The following IRAG1 variants were observed in gnomAD, a reference collection of about 807,000 sequenced individuals.
IRAG1 encodes IP3R-associated cGMP kinase substrate.
IRAG1 carries 62 observed loss-of-function variants against 106.2 expected under a neutral mutation model. The ratio of observed to expected loss-of-function variants is 0.58; its 90% CI spans 0.48 to 0.72. The LOEUF (loss-of-function observed/expected upper bound fraction) is 0.72, where lower values mean the gene tolerates loss of function less well. Among genes scored for constraint, IRAG1 ranks in the 30% least tolerant of loss-of-function variants. The probability of loss-of-function intolerance (pLI) is 0.00; values close to 1 mark genes in which losing one functional copy is unlikely to be tolerated. For missense variants in IRAG1, 1,064 were observed against 1,140.7 expected, an observed-to-expected ratio of 0.93 and a Z score of 0.97; for synonymous variants, 462 against 443.9, an observed-to-expected ratio of 1.04 and a Z score of -0.51.
At chr11:10,600,799 A>T in intron 15 of IRAG1, 119 bp downstream of exon 15, 1 of 1,329,540 alleles carries the variant, frequency 7.5e-7, no homozygotes, top group Non-Finnish European at 1.0e-6. Flanking sequence ...AGCACTAGAC[A>T]GGAGTGCTGC....
At chr11:10,592,912 G>C (rs935267389) in intron 17 of IRAG1, among the ~76,000 whole-genome samples, 3 of 152,118 alleles carry the variant, frequency 2.0e-5, no homozygotes, top group African/African-American at 7.2e-5. Flanking sequence ...TTATACACTA[G>C]GTTTTGTATA....
At chr11:10,590,620 C>T (rs1046835737) in intron 18 of IRAG1, among the ~76,000 whole-genome samples, 2 of 152,206 alleles carry the variant, frequency 1.3e-5, no homozygotes, top group Non-Finnish European at 2.9e-5. Context: ...GGGGAAAATT[C>T]TGAGAGGCAG....
At chr11:10,687,546 G>C (rs1861751399) in intron 1 of IRAG1, 6 of 661,524 alleles carry the variant, frequency 9.1e-6, no homozygotes, top group South Asian at 2.3e-5. Flanking sequence ...AGCTTCATCA[G>C]TCATACGGGT....
intron 9 of IRAG1, 79 bp downstream of exon 9, chr11:10,625,887 C>T: frequency 7.7e-7 from 1 of 1,297,848 alleles, no homozygotes; most frequent in South Asian, 3.0e-5. Context: ...TGGCCAGGGG[C>T]CCAGACTCAG....
At chr11:10,593,626 A>G in intron 16 of IRAG1, 27 bp from the exon 17 acceptor site, 1 of 1,558,068 alleles carries the variant, frequency 6.4e-7, no homozygotes, top group Non-Finnish European at 8.9e-7. Context: ...GACCAGGCTC[A>G]CTGTCTTGGA....
chr11:10,591,984 A>G (rs991948581), intron 17 of IRAG1, among the ~76,000 whole-genome samples: 3 of 152,190 alleles, frequency 2.0e-5, no homozygotes, highest in Non-Finnish European at 4.4e-5. Context: ...GGCTCCTTAC[A>G]ATAGATTCAC....
At chr11:10,686,864 CA>C (rs995185851) in intron 1 of IRAG1, among the ~76,000 whole-genome samples, 1 of 152,202 alleles carries the variant, frequency 6.6e-6, no homozygotes, top group African/African-American at 2.4e-5. Context: ...CAAACTTGCT[CA>C]AACAATGGTA....
chr11:10,623,802 T>C lies in IRAG1; in HGVS notation c.1423A>G (p.Ser475Gly), dbSNP rs1800704385. ...CCTTTTTCCTGCTCAGCTGCTTCAC[T>C]AAGGTCTGGAAGCTTGAGCCCCACT... Reference protein sequence around the residue: ...NLVGLKLPDLSEAAEQEKGLP... With the variant: ...NLVGLKLPDLGEAAEQEKGLP... Residue 475 changes from serine (S) to glycine (G), a missense_variant, in exon 10 of 21, where the codon AGT becomes GGT. Physicochemically the swap from Ser to Gly is moderately conservative, Grantham distance 56 (BLOSUM62 0). Coordinates refer to ENST00000423302, the MANE Select transcript of IRAG1 (RefSeq NM_130385.4). 1 of 1,614,064 alleles carries C rather than the reference T, an allele frequency of 6.2e-7. No individual in the cohort carries two copies. The highest frequency in any genetic ancestry group is 8.5e-7 in the Non-Finnish European group (1 of 1,179,898).
intron 10 of IRAG1, among the ~76,000 whole-genome samples, chr11:10,614,248 T>A (rs1330592379): frequency 3.3e-5 from 5 of 152,272 alleles, no homozygotes; most frequent in Non-Finnish European, 5.9e-5. Context: ...GATCTGTGAG[T>A]ATAAACCTAT....
At chr11:10,594,635 A>G (rs1482597629) in intron 15 of IRAG1, among the ~76,000 whole-genome samples, 3 of 152,222 alleles carry the variant, frequency 2.0e-5, no homozygotes, top group Admixed American at 1.3e-4. Context: ...AAGTAGTTTC[A>G]ATATGTTACC....
Position 10,693,674 on chromosome 11 carries a change from C to T in IRAG1, c.-72G>A, listed in dbSNP as rs189418308. The T allele has an allele frequency of 2.1e-5, 31 of 1,496,200 alleles. No individual in the cohort carries two copies. Among genetic ancestry groups the T allele is most frequent in the African/African-American group, 1.2e-4 (9 of 72,290 alleles). The allele number at this position is 1,496,200 out of a possible 1,614,324, so 92.7% of individuals were successfully genotyped here. A position where few individuals can be genotyped will look rare whatever the true frequency, so the allele number is the denominator to read the frequency against. ...CTCTGGCTGCAGAACCTCGGCCGCACGCCTCCTCTGAGAGGGGCTGGGACT... is the reference window on the plus strand; with the variant it reads ...CTCTGGCTGCAGAACCTCGGCCGCATGCCTCCTCTGAGAGGGGCTGGGACT... On this transcript the variant is annotated 5_prime_UTR_variant, in exon 1 of 21. The change creates a new upstream start codon in the 5' untranslated region. Transcript: ENST00000423302.
At chr11:10,603,329 C>A (rs1854191336) in intron 13 of IRAG1, 78 bp from the exon 14 acceptor site, 1 of 1,535,666 alleles carries the variant, frequency 6.5e-7, no homozygotes. Flanking sequence ...ACCTTTTCGG[C>A]CTCAGGGACT....
intron 17 of IRAG1, among the ~76,000 whole-genome samples, chr11:10,591,884 TC>T (rs1201497704): frequency 6.6e-6 from 1 of 152,202 alleles, no homozygotes. Flanking sequence ...ATCTTGAGGC[TC>T]CATTCTGGAG....
Position 10,611,660 on chromosome 11 carries a change from G to C in IRAG1, c.1448-1809C>G, listed in dbSNP as rs1372967961. 3.9e-5 allele frequency: 6 copies of C among 152,186 alleles called. No homozygotes were observed. The South Asian group carries it at 6.2e-4, about 16-fold the overall frequency. The allele number at this position is 152,186 out of a possible 1,614,324, so 9.4% of individuals were successfully genotyped here. ...CAATAGTCTTTAAAAATAGTGACTA[G>C]AGAAAGAATAAAAATTACTAGGAAT... On this transcript the variant is annotated intron_variant, in intron 10 of 20. Coordinates refer to ENST00000423302, the MANE Select transcript of IRAG1 (RefSeq NM_130385.4).
intron 9 of IRAG1, among the ~76,000 whole-genome samples, chr11:10,624,254 C>CAGCTT (rs200156361): frequency 0.014 from 2,057 of 152,300 alleles, 17 homozygotes; most frequent in Middle Eastern, 0.02. Context: ...CTCCTGGAAA[C>CAGCTT]AGCTTTGGCG....
chr11:10,610,852 T>C (rs1854897068), intron 10 of IRAG1, among the ~76,000 whole-genome samples: 1 of 152,234 alleles, frequency 6.6e-6, no homozygotes, highest in Admixed American at 6.5e-5. Flanking sequence ...TCATCCTGTA[T>C]AATGGTTACT....
intron 2 of IRAG1, 78 bp from the exon 3 acceptor site, chr11:10,634,149 C>T: frequency 1.2e-6 from 1 of 813,708 alleles, no homozygotes; most frequent in Non-Finnish European, 2.0e-6. Context: ...AGCATTTATT[C>T]TCACATCATG....
intron 18 of IRAG1, among the ~76,000 whole-genome samples, chr11:10,589,880 A>AG (rs1852444427): frequency 6.6e-6 from 1 of 152,190 alleles, no homozygotes; most frequent in African/African-American, 2.4e-5. Flanking sequence ...TCCCTTACCA[A>AG]GGATAATTCA....
At chr11:10,673,284 A>C (rs1860395162) in intron 1 of IRAG1, among the ~76,000 whole-genome samples, 1 of 151,982 alleles carries the variant, frequency 6.6e-6, no homozygotes, top group South Asian at 2.1e-4. Context: ...ACTTTGTCTC[A>C]AAAAAAAGGA....
Sources: allele counts gnomAD v4.1 joint callset (sites outside exome capture counted in the v4.1 genomes callset), GRCh38; gene constraint gnomAD v4.1.1; transcripts MANE v1.5; gene names NCBI Gene and HGNC (gene_info 2026-07-23, HGNC 2026-07-21).